The following WDTC1 variants were observed in gnomAD, a reference collection of about 807,000 sequenced individuals.
The protein encoded by WDTC1 is WD and tetratricopeptide repeats protein 1.
In WDTC1, 12 loss-of-function variants were observed where a neutral mutation model predicts 76.0. The observed-to-expected ratio is 0.16, with a 90% CI of 0.10 to 0.26. WDTC1 has a LOEUF of 0.26. Among genes scored for constraint, WDTC1 ranks in the 10% least tolerant of loss-of-function variants. WDTC1 has a pLI of 1.00. For missense variants in WDTC1, 511 were observed against 908.8 expected (o/e 0.56, Z 5.63); for synonymous variants, 326 against 350.8 (o/e 0.93, Z 0.79).
intron 9 of WDTC1, among the ~76,000 whole-genome samples, chr1:27,295,517 G>A (rs1202374025): frequency 2.0e-5 from 3 of 151,632 alleles, no homozygotes; most frequent in South Asian, 2.1e-4. Context: ...GCAATGGTGC[G>A]ATCTCGGCTC....
chr1:27,294,139 C>T lies in WDTC1; in HGVS notation c.757+23C>T, dbSNP rs192572126. On this transcript the variant is annotated intron_variant, in intron 8 of 15. Transcript: ENST00000319394. Reference sequence around the variant, plus strand: ...CAGGTAGCGCTCAGCACAGCTCTGGCCCCAAACTCTCGGCTAGATGCTGAC... The same window carrying T: ...CAGGTAGCGCTCAGCACAGCTCTGGTCCCAAACTCTCGGCTAGATGCTGAC... 8.1e-5 allele frequency: 131 copies of T among 1,609,080 alleles called. No homozygotes were observed. In the Admixed American group the frequency reaches 1.5e-3, roughly 18 times the overall value.
chr1:27,306,592 C>T lies in WDTC1; in HGVS notation c.*209C>T. On this transcript the variant is annotated 3_prime_UTR_variant, in exon 16 of 16. Coordinates refer to ENST00000319394, the MANE Select transcript of WDTC1 (RefSeq NM_001276252.2). This position sits in a 1 kb window ranked among gnomAD's most constrained non-coding sequence, Gnocchi z 5.0. Reference sequence around the variant, plus strand: ...CTGATTGTCCCCTGACTATCCCCAGCCCTGAAAAAAAGAGCAGGAGGGGAC... The same window carrying T: ...CTGATTGTCCCCTGACTATCCCCAGTCCTGAAAAAAAGAGCAGGAGGGGAC... The T allele has an allele frequency of 1.6e-6, 1 of 640,400 alleles. No homozygotes were observed. 39.7% of individuals were successfully genotyped at this position (640,400 alleles called of 1,614,324 possible).
chr1:27,276,056 C>A (rs2013017998), intron 3 of WDTC1, among the ~76,000 whole-genome samples: 1 of 152,156 alleles, frequency 6.6e-6, no homozygotes, highest in Admixed American at 6.5e-5. Context: ...TGAATCTGTA[C>A]TTCTCTTTTT....
At chr1:27,260,875 G>T in intron 1 of WDTC1, 81 bp from the exon 2 acceptor site, 1 of 665,214 alleles carries the variant, frequency 1.5e-6, no homozygotes, top group Non-Finnish European at 2.5e-6. Context: ...TTCACTGGGT[G>T]GGCTGTTTTA....
At chr1:27,253,007 ATTTTT>A (rs34743468) in intron 1 of WDTC1, among the ~76,000 whole-genome samples, 2 of 106,440 alleles carry the variant, frequency 1.9e-5, no homozygotes, top group Admixed American at 1.0e-4. Context: ...GTTCTTTCTG[ATTTTT>A]TTTTTTTTTT....
At chr1:27,283,815 C>G (rs981798327) in intron 5 of WDTC1, among the ~76,000 whole-genome samples, 3 of 152,038 alleles carry the variant, frequency 2.0e-5, no homozygotes, top group African/African-American at 7.2e-5. Flanking sequence ...GTTTGCTCAT[C>G]TGTAAAAAAG....
intron 6 of WDTC1, among the ~76,000 whole-genome samples, chr1:27,289,200 G>A (rs1451416415): frequency 6.6e-6 from 1 of 151,102 alleles, no homozygotes; most frequent in Non-Finnish European, 1.5e-5. Flanking sequence ...GGCTGGCCGG[G>A]CAGAGGGGCT....
chr1:27,253,430 CTCCTCCTCCT>C (rs1350911595), intron 1 of WDTC1, among the ~76,000 whole-genome samples: 1 of 115,116 alleles, frequency 8.7e-6, no homozygotes, highest in African/African-American at 3.3e-5. Flanking sequence ...TCCCTCCTCC[CTCCTCCTCCT>C]TCCTCCTCCT....
In WDTC1 at chr1:27,303,916, G is replaced by A. The variant is rs1483728275; in HGVS notation, c.1643+121G>A. Reference sequence around the variant, plus strand: ...TCCCTGCTCTGCCTCTGTACCCTTGGGCAAATGGCTTCACCTTTGTCAGCC... The same window carrying A: ...TCCCTGCTCTGCCTCTGTACCCTTGAGCAAATGGCTTCACCTTTGTCAGCC... On this transcript the variant is annotated intron_variant, in intron 14 of 15. Coordinates refer to ENST00000319394, the MANE Select transcript of WDTC1 (RefSeq NM_001276252.2). This position sits in a 1 kb window ranked among gnomAD's most constrained non-coding sequence, Gnocchi z 4.8. 5.9e-6 allele frequency: 8 copies of A among 1,346,332 alleles called. No homozygotes were observed. The East Asian group carries it at 1.8e-4, about 30-fold the overall frequency. The allele number at this position is 1,346,332 out of a possible 1,614,324, so 83.4% of individuals were successfully genotyped here.
chr1:27,296,536 C>A, intron 10 of WDTC1, 135 bp downstream of exon 10: 1 of 878,066 alleles, frequency 1.1e-6, no homozygotes, highest in Non-Finnish European at 1.8e-6. Context: ...ATAACCCCAC[C>A]TATGCAGTAA....
Position 27,297,109 on chromosome 1 carries a change from C to T in WDTC1, c.1011C>T (p.His337=). The part of the protein sequence containing the change: ...GVSNGVSNGL[H]LHSNGFRLPE... ...CCAACGGTGTGTCCAATGGCCTGCA[C>T]CTTCATAGCAATGGCTTCCGGCTGC... Residue 337 remains histidine (H), a synonymous_variant, in exon 11 of 16, where the codon CAC becomes CAT. Coordinates refer to ENST00000319394, the MANE Select transcript of WDTC1 (RefSeq NM_001276252.2). 3.1e-6 allele frequency: 5 copies of T among 1,614,110 alleles called. No individual in the cohort carries two copies. Among genetic ancestry groups the T allele is most frequent in the Non-Finnish European group, 4.2e-6 (5 of 1,179,994 alleles).
chr1:27,289,035 AC>A (rs2013437136), intron 6 of WDTC1, among the ~76,000 whole-genome samples: 2 of 100,342 alleles, frequency 2.0e-5, no homozygotes, highest in South Asian at 7.2e-4. Flanking sequence ...CGGGGGGCTG[AC>A]CCCCCCACCT....
chr1:27,297,294 C>T, intron 11 of WDTC1, 138 bp downstream of exon 11: 2 of 769,580 alleles, frequency 2.6e-6, no homozygotes, highest in South Asian at 1.8e-5. Flanking sequence ...AGGCAAAGAG[C>T]CTTCTTGGAG....
intron 3 of WDTC1, 80 bp from the exon 4 acceptor site, chr1:27,282,159 T>A: frequency 7.3e-7 from 1 of 1,376,696 alleles, no homozygotes; most frequent in Non-Finnish European, 1.0e-6. Flanking sequence ...GTTTACCTGT[T>A]CAGTTCCACT....
rs902083085 is a variant in WDTC1, at chr1:27,263,054, T to G, written c.49-98T>G. ...CCAGTTCCTTGTTGTCTTCTTTAGC[T>G]CCTGTGGTGCCCAGGAAAGAGCTGG... On this transcript the variant is annotated intron_variant, in intron 2 of 15. Coordinates refer to ENST00000319394, the MANE Select transcript of WDTC1 (RefSeq NM_001276252.2). The G allele has an allele frequency of 3.1e-6, 4 of 1,299,034 alleles. No homozygotes were observed. The African/African-American group carries it at 5.9e-5, about 19-fold the overall frequency. 80.5% of individuals were successfully genotyped at this position (1,299,034 alleles called of 1,614,324 possible). A position where few individuals can be genotyped will look rare whatever the true frequency, so the allele number is the denominator to read the frequency against.
chr1:27,242,943 C>T (rs911449007), intron 1 of WDTC1, among the ~76,000 whole-genome samples: 1 of 152,166 alleles, frequency 6.6e-6, no homozygotes, highest in Non-Finnish European at 1.5e-5. Context: ...AGCCAGGAGC[C>T]TCAAAGATGG....
At chr1:27,263,047 C>G in intron 2 of WDTC1, 105 bp from the exon 3 acceptor site, 1 of 1,216,440 alleles carries the variant, frequency 8.2e-7, no homozygotes, top group African/African-American at 1.5e-5. Context: ...TTGTTGTCTT[C>G]TTTAGCTCCT....
At chr1:27,264,745 C>T (rs1034951738) in intron 3 of WDTC1, among the ~76,000 whole-genome samples, 1 of 152,098 alleles carries the variant, frequency 6.6e-6, no homozygotes, top group African/African-American at 2.4e-5. Context: ...ACCTTGGCCT[C>T]CCAAAGTGCT....
rs1203823874 is a variant in WDTC1, at chr1:27,301,611, C to CT, written c.1468+151dup. The CT allele has an allele frequency of 3.4e-6, 3 of 888,124 alleles. No individual in the cohort carries two copies. The African/African-American group carries it at 5.0e-5, about 15-fold the overall frequency. 55.0% of individuals were successfully genotyped at this position (888,124 alleles called of 1,614,324 possible). A position where few individuals can be genotyped will look rare whatever the true frequency, so the allele number is the denominator to read the frequency against. The stretch of plus-strand genomic sequence containing the variant: ...CAACTTTGGGGCAGTTACTTGGTGT[C>CT]TCTCTCAGAGTGTTTCCTGGTCTGA... On this transcript the variant is annotated intron_variant, in intron 13 of 15. Coordinates refer to ENST00000319394, the MANE Select transcript of WDTC1 (RefSeq NM_001276252.2). This position sits in a 1 kb window ranked among gnomAD's most constrained non-coding sequence, Gnocchi z 5.8.
Sources: allele counts gnomAD v4.1 joint callset (sites outside exome capture counted in the v4.1 genomes callset), GRCh38; gene constraint gnomAD v4.1.1; non-coding constraint Gnocchi (gnomAD v3.1); transcripts MANE v1.5; gene names NCBI Gene and HGNC (gene_info 2026-07-23, HGNC 2026-07-21).